ATP13A3: variants seen among roughly 807,000 people sequenced by gnomAD.
ATP13A3 encodes polyamine-transporting ATPase 13A3.
ATP13A3 carries 59 observed loss-of-function variants against 158.1 expected under a neutral mutation model. The observed-to-expected ratio is 0.37, with a 90% CI of 0.30 to 0.46. The LOEUF (loss-of-function observed/expected upper bound fraction) is 0.46. ATP13A3 is among the 20% of genes least tolerant of loss of function. ATP13A3 has a pLI of 1.00. For synonymous variants in ATP13A3, 491 were observed against 504.3 expected (o/e 0.97, Z 0.35); for missense variants, 1,166 against 1,525.2 (o/e 0.76, Z 3.92).
chr3:194,412,133 TAC>T, intron 33 of ATP13A3, 64 bp downstream of exon 33: 1 of 1,251,710 alleles, frequency 8.0e-7, no homozygotes, highest in Non-Finnish European at 1.1e-6. Context: ...CGCTAGAGAA[TAC>T]AGAGTACACA....
chr3:194,457,461 T>C (rs1450366823), intron 6 of ATP13A3, among the ~76,000 whole-genome samples: 2 of 152,220 alleles, frequency 1.3e-5, no homozygotes, highest in Non-Finnish European at 2.9e-5. Flanking sequence ...AATATCATTA[T>C]CCTTAAGACT....
At position 194,448,077 on chromosome 3, in the gene ATP13A3, T is replaced by G; in HGVS notation, c.1151-68A>C. On this transcript the variant is annotated intron_variant, in intron 12 of 33. Coordinates refer to ENST00000645319, the MANE Select transcript of ATP13A3 (RefSeq NM_001367549.1). The surrounding 1 kb of genome is among the most constrained non-coding windows in gnomAD (Gnocchi z 4.0). ...ATGAGAATTATCTCCCAAAACAGAATCTCTCTTTTTTTTTTTTTGAGACAG... is the reference window on the plus strand; with the variant it reads ...ATGAGAATTATCTCCCAAAACAGAAGCTCTCTTTTTTTTTTTTTGAGACAG... 2 of 1,384,714 alleles carry G rather than the reference T, an allele frequency of 1.4e-6. No individual in the cohort carries two copies. Among genetic ancestry groups the G allele is most frequent in the South Asian group, 2.5e-5 (2 of 79,816 alleles). 85.8% of individuals were successfully genotyped at this position (1,384,714 alleles called of 1,614,324 possible). A position where few individuals can be genotyped will look rare whatever the true frequency, so the allele number is the denominator to read the frequency against.
chr3:194,455,916 C>T lies in ATP13A3; in HGVS notation c.607G>A (p.Val203Ile). The T allele has an allele frequency of 6.4e-7, 1 of 1,554,016 alleles. No homozygotes were observed. Among genetic ancestry groups the T allele is most frequent in the Non-Finnish European group, 8.8e-7 (1 of 1,142,510 alleles). ...ACCTCTTTAATTAGAAGCTTAAAAA[C>T]AGAAGGCACTTTTACAGCAATTTCA... ...VNEIAVKVPS[V>I]FKLLIKEVLN... Residue 203 changes from valine (V) to isoleucine (I), a missense_variant, in exon 8 of 34, where the codon GTT (valine) becomes ATT (isoleucine). Coordinates refer to ENST00000645319, the MANE Select transcript of ATP13A3 (RefSeq NM_001367549.1).
At position 194,450,367 on chromosome 3, in the gene ATP13A3, A is replaced by C. The variant is rs185869272; in HGVS notation, c.839-91T>G. 280 of 1,264,346 alleles carry C rather than the reference A, an allele frequency of 2.2e-4. 1 individual carries two copies. In the African/African-American group the frequency reaches 3.8e-3, roughly 17 times the overall value. 78.3% of individuals were successfully genotyped at this position (1,264,346 alleles called of 1,614,324 possible). A position where few individuals can be genotyped will look rare whatever the true frequency, so the allele number is the denominator to read the frequency against. ...TGCTATTCAGAAGTCATCTGATCTC[A>C]ATAAGAAGTTTATAATGGGGTAAAA... On this transcript the variant is annotated intron_variant, in intron 10 of 33. Transcript: ENST00000645319.
intron 30 of ATP13A3, among the ~76,000 whole-genome samples, chr3:194,421,762 C>A (rs1459039454): frequency 6.6e-6 from 1 of 151,374 alleles, no homozygotes; most frequent in Non-Finnish European, 1.5e-5. Context: ...AGAAAAAAGA[C>A]AAAATCAGAA....
chr3:194,475,403 A>T (rs191798138), intron 2 of ATP13A3, among the ~76,000 whole-genome samples: 1 of 152,332 alleles, frequency 6.6e-6, no homozygotes, highest in East Asian at 1.9e-4. Flanking sequence ...CTAGGAAGCT[A>T]TTCTGTACAA....
chr3:194,420,555 C>G (rs1285394425), intron 30 of ATP13A3, among the ~76,000 whole-genome samples: 1 of 152,024 alleles, frequency 6.6e-6, no homozygotes. Flanking sequence ...AAATCTTAGC[C>G]AAAAGCCAAG....
Position 194,437,582 on chromosome 3 carries a change from G to T in ATP13A3, c.1828-9C>A, listed in dbSNP as rs111231154. 1 of 1,598,814 alleles carries T rather than the reference G, an allele frequency of 6.3e-7. No individual in the cohort carries two copies. Among genetic ancestry groups the T allele is most frequent in the Non-Finnish European group, 8.5e-7 (1 of 1,171,010 alleles). ...GGAAGTTCAAACAGCTCCTAAAAACGAAACAAAACAAGAAAAAATAGTACA... is the reference window on the plus strand; with the variant it reads ...GGAAGTTCAAACAGCTCCTAAAAACTAAACAAAACAAGAAAAAATAGTACA... On this transcript the variant is annotated splice_polypyrimidine_tract_variant and intron_variant, in intron 17 of 33. Transcript: ENST00000645319.
chr3:194,470,183 CT>C (rs1004129458), intron 2 of ATP13A3, among the ~76,000 whole-genome samples: 1 of 152,258 alleles, frequency 6.6e-6, no homozygotes, highest in South Asian at 2.1e-4. Flanking sequence ...TTATAATATG[CT>C]TTTGTTTCTG....
At chr3:194,480,183 C>CT (rs1720694864) in intron 2 of ATP13A3, among the ~76,000 whole-genome samples, 1 of 152,150 alleles carries the variant, frequency 6.6e-6, no homozygotes, top group East Asian at 1.9e-4. Flanking sequence ...CCCTTTATCA[C>CT]CTCTATCTGG....
chr3:194,404,061 A>G lies in ATP13A3; in HGVS notation c.*1858T>C, dbSNP rs1005311420. Reference sequence around the variant, plus strand: ...CTTAAACCAAAGAATAAAATGCACAATTGTGGAAATCACTGAAGAATAACA... The same window carrying G: ...CTTAAACCAAAGAATAAAATGCACAGTTGTGGAAATCACTGAAGAATAACA... On this transcript the variant is annotated 3_prime_UTR_variant, in exon 34 of 34. Coordinates refer to ENST00000645319, the MANE Select transcript of ATP13A3 (RefSeq NM_001367549.1). 1.6e-5 allele frequency: 7 copies of G among 446,464 alleles called. No individual in the cohort carries two copies. Among genetic ancestry groups the G allele is most frequent in the African/African-American group, 1.4e-4 (7 of 49,294 alleles). The allele number at this position is 446,464 out of a possible 1,614,324, so 27.7% of individuals were successfully genotyped here. A position where few individuals can be genotyped will look rare whatever the true frequency, so the allele number is the denominator to read the frequency against.
intron 31 of ATP13A3, among the ~76,000 whole-genome samples, chr3:194,416,629 ATATCAC>A (rs1477725817): frequency 6.6e-6 from 1 of 152,216 alleles, no homozygotes; most frequent in Non-Finnish European, 1.5e-5. Flanking sequence ...TAAGACAAGG[ATATCAC>A]TATCACTATA....
intron 2 of ATP13A3, among the ~76,000 whole-genome samples, chr3:194,467,159 T>C (rs57777743): frequency 0.044 from 6,696 of 152,324 alleles, 363 homozygotes; most frequent in African/African-American, 0.13. Context: ...AAGCATGTTT[T>C]ATAACTTTAG....
At position 194,437,479 on chromosome 3, in the gene ATP13A3, A is replaced by C. The variant is rs201091620; in HGVS notation, c.1846-15T>G. On this transcript the variant is annotated splice_polypyrimidine_tract_variant and intron_variant, in intron 18 of 33. Transcript: ENST00000645319. Reference sequence around the variant, plus strand: ...TCATAAGTAGCCTATATCATTTCAAAAGAGGCACAAAGCACTTAATATTCT... The same window carrying C: ...TCATAAGTAGCCTATATCATTTCAACAGAGGCACAAAGCACTTAATATTCT... The C allele has an allele frequency of 3.0e-5, 48 of 1,613,956 alleles. 1 individual carries two copies. Among genetic ancestry groups the C allele is most frequent in the Middle Eastern group, 1.6e-4 (1 of 6,084 alleles).
Position 194,433,910 on chromosome 3 carries a change from A to G in ATP13A3, c.2121-14T>C. 22 of 1,612,180 alleles carry G rather than the reference A, an allele frequency of 1.4e-5. No individual in the cohort carries two copies. The highest frequency in any genetic ancestry group is 1.9e-5 in the Non-Finnish European group (22 of 1,178,790). On this transcript the variant is annotated splice_polypyrimidine_tract_variant and intron_variant, in intron 20 of 33. Transcript: ENST00000645319. ...TCAATTGCATCTCTGCAGAAAAAGA[A>G]GTTTTAACACATAATGGTTTAGTCA...
chr3:194,426,671 A>G (rs995523998), intron 29 of ATP13A3, among the ~76,000 whole-genome samples: 2 of 152,162 alleles, frequency 1.3e-5, no homozygotes, highest in African/African-American at 4.8e-5. Flanking sequence ...ATACAAGCCA[A>G]ATTATGTAAG....
intron 33 of ATP13A3, among the ~76,000 whole-genome samples, chr3:194,410,321 A>AAAC (rs1715297037): frequency 3.4e-5 from 4 of 119,204 alleles, no homozygotes; most frequent in South Asian, 2.7e-4. Context: ...AAAAAAAAAA[A>AAAC]AAAAAAAAAA....
chr3:194,474,026 A>G (rs1720421742), intron 2 of ATP13A3, among the ~76,000 whole-genome samples: 1 of 152,222 alleles, frequency 6.6e-6, no homozygotes, highest in African/African-American at 2.4e-5. Context: ...GGCAGAGGCT[A>G]CCATTAACGG....
At chr3:194,489,987 C>A (rs990886458), upstream of ATP13A3, among the ~76,000 whole-genome samples, 39 of 152,250 alleles carry the variant, frequency 2.6e-4, no homozygotes, top group Admixed American at 1.8e-3. The surrounding 1 kb of genome is among the most constrained non-coding windows in gnomAD (Gnocchi z 4.1). Context: ...CTGCTTCCCC[C>A]CTCTGATCCT....
Sources: allele counts gnomAD v4.1 joint callset (sites outside exome capture counted in the v4.1 genomes callset), GRCh38; gene constraint gnomAD v4.1.1; non-coding constraint Gnocchi (gnomAD v3.1); transcripts MANE v1.5; gene names NCBI Gene and HGNC (gene_info 2026-07-23, HGNC 2026-07-21).